Variants in ME1 observed in about 807,000 individuals in gnomAD.
ME1 encodes the protein NADP-dependent malic enzyme.
Under a neutral mutation model 66.4 loss-of-function variants are expected in ME1, and 74 were observed. The observed-to-expected ratio is 1.11, with a 90% CI of 0.92 to 1.35. ME1 has a LOEUF of 1.35. Ranked by LOEUF, ME1 falls within the 40% of genes most tolerant of loss-of-function variation. The pLI is 0.00. For missense variants in ME1, 750 were observed against 694.1 expected (o/e 1.08, Z -0.90); for synonymous variants, 251 against 235.6 (o/e 1.07, Z -0.60).
chr6:83,247,288 G>C (rs1790641667), intron 7 of ME1, among the ~76,000 whole-genome samples: 1 of 151,934 alleles, frequency 6.6e-6, no homozygotes, highest in Non-Finnish European at 1.5e-5. Flanking sequence ...GTCTGAATTT[G>C]CTGAATTCTG....
Position 83,408,215 on chromosome 6 carries a change from C to T in ME1, c.79-314G>A, listed in dbSNP as rs545185326. Reference sequence around the variant, plus strand: ...AAGATATAATCATTATTATCAATGTCAGTACATATAAAAATAAAAAGTCAT... The same window carrying T: ...AAGATATAATCATTATTATCAATGTTAGTACATATAAAAATAAAAAGTCAT... On this transcript the variant is annotated intron_variant, in intron 1 of 13. Coordinates refer to ENST00000369705, the MANE Select transcript of ME1 (RefSeq NM_002395.6). Among the ~76,000 whole-genome samples the T allele has an allele frequency of 7.9e-5, 12 of 152,170 alleles. No individual in the cohort carries two copies. The South Asian group carries it at 2.1e-3, about 26-fold the overall frequency.
chr6:83,282,347 T>A (rs1457154748), intron 6 of ME1, among the ~76,000 whole-genome samples: 3 of 151,986 alleles, frequency 2.0e-5, no homozygotes, highest in Admixed American at 6.6e-5. Flanking sequence ...TAGGAGAAAA[T>A]TTTTGCAATC....
At chr6:83,325,570 A>G (rs1271445356) in intron 5 of ME1, among the ~76,000 whole-genome samples, 1 of 152,184 alleles carries the variant, frequency 6.6e-6, no homozygotes, top group Non-Finnish European at 1.5e-5. Context: ...ATATACCAAT[A>G]ATAAGCAAAT....
chr6:83,393,653 A>C (rs1490497139), intron 3 of ME1, among the ~76,000 whole-genome samples: 1 of 152,070 alleles, frequency 6.6e-6, no homozygotes, highest in Non-Finnish European at 1.5e-5. Flanking sequence ...ATCGACTTCA[A>C]CTCAAATACT....
At position 83,223,876 on chromosome 6, in the gene ME1, G is replaced by A. The variant is rs1352317774; in HGVS notation, c.1333C>T (p.Gln445Ter). 3.1e-6 allele frequency: 5 copies of A among 1,614,074 alleles called. No homozygotes were observed. The African/African-American group carries it at 4.0e-5, about 13-fold the overall frequency. ...TTGCCTTGGCCAGGATATAGGGTCT[G>A]TCCATTTGGAAGAGTGACTGGATCA... is the stretch of plus-strand genomic sequence containing the variant. ...PFDPVTLPNGQTLYPGQGNNS... is the reference protein window; with the variant it reads ...PFDPVTLPNG The change falls in exon 12 of 14, where the codon CAG becomes TAG. Residue 445 changes from glutamine (Q) to a stop codon, truncating the protein, a stop_gained. Coordinates refer to ENST00000369705, the MANE Select transcript of ME1 (RefSeq NM_002395.6). LOFTEE classifies it high-confidence loss of function.
intron 6 of ME1, among the ~76,000 whole-genome samples, chr6:83,300,648 C>T (rs1583366532): frequency 1.9e-5 from 2 of 107,022 alleles, no homozygotes; most frequent in African/African-American, 3.8e-5. Context: ...TGGAGTTGTG[C>T]AGGATCTAGA....
At chr6:83,403,717 GT>G (rs1292730445) in intron 2 of ME1, among the ~76,000 whole-genome samples, 1 of 152,050 alleles carries the variant, frequency 6.6e-6, no homozygotes. Context: ...TGTTCTCATT[GT>G]TCAATTCCCA....
At chr6:83,313,574 T>C (rs1767969255) in intron 6 of ME1, among the ~76,000 whole-genome samples, 1 of 152,192 alleles carries the variant, frequency 6.6e-6, no homozygotes, top group Non-Finnish European at 1.5e-5. Context: ...AAAGTTGTCT[T>C]ATTTAGATAG....
At chr6:83,300,536 C>CA (rs1323549542) in intron 6 of ME1, among the ~76,000 whole-genome samples, 30 of 148,936 alleles carry the variant, frequency 2.0e-4, no homozygotes, top group Non-Finnish European at 4.5e-4. Flanking sequence ...AATCTACAAA[C>CA]AAAAAACAGC....
At chr6:83,411,098 G>T (rs570121493) in intron 1 of ME1, among the ~76,000 whole-genome samples, 2 of 152,204 alleles carry the variant, frequency 1.3e-5, no homozygotes, top group Non-Finnish European at 2.9e-5. Flanking sequence ...ACTCCTATGG[G>T]CCGGGCGTGG....
At chr6:83,274,537 A>C (rs375120773) in intron 6 of ME1, among the ~76,000 whole-genome samples, 7 of 152,176 alleles carry the variant, frequency 4.6e-5, no homozygotes, top group African/African-American at 1.7e-4. Context: ...CAGTTCTTCT[A>C]TTTAGTATCC....
chr6:83,306,324 A>C (rs1409481255), intron 6 of ME1, among the ~76,000 whole-genome samples: 1 of 152,018 alleles, frequency 6.6e-6, no homozygotes, highest in Non-Finnish European at 1.5e-5. Context: ...TGGTATACAG[A>C]TTATTTTGAA....
intron 12 of ME1, among the ~76,000 whole-genome samples, chr6:83,218,314 G>C (rs1282522043): frequency 6.6e-6 from 1 of 152,144 alleles, no homozygotes; most frequent in Non-Finnish European, 1.5e-5. Flanking sequence ...GGCCTACTGG[G>C]TAATGTAGTG....
intron 3 of ME1, among the ~76,000 whole-genome samples, chr6:83,390,874 A>C (rs13340476): frequency 2.9e-5 from 4 of 137,872 alleles, no homozygotes; most frequent in African/African-American, 1.0e-4. Context: ...CTCTCTCTAT[A>C]TATATACATA....
intron 3 of ME1, among the ~76,000 whole-genome samples, chr6:83,364,687 A>C (rs1202003778): frequency 6.6e-6 from 1 of 152,086 alleles, no homozygotes; most frequent in Non-Finnish European, 1.5e-5. Flanking sequence ...CTTCATGCAT[A>C]TGTATGTGAA....
At chr6:83,253,564 A>T (rs1458887604) in intron 7 of ME1, 65 bp downstream of exon 7, 3 of 824,550 alleles carry the variant, frequency 3.6e-6, no homozygotes, top group African/African-American at 3.4e-5. Context: ...AATTTGAATC[A>T]TTATTACAAT....
chr6:83,274,425 A>G (rs1767139024), intron 6 of ME1, among the ~76,000 whole-genome samples: 1 of 152,210 alleles, frequency 6.6e-6, no homozygotes, highest in African/African-American at 2.4e-5. Context: ...CTCTTTATGC[A>G]AACACATAAA....
intron 6 of ME1, among the ~76,000 whole-genome samples, chr6:83,294,668 G>A (rs560955275): frequency 1.8e-4 from 28 of 152,230 alleles, no homozygotes; most frequent in African/African-American, 6.5e-4. Context: ...CTCAGAATGG[G>A]TAAGGAGCAA....
chr6:83,407,733 G>A (rs760714607), intron 2 of ME1, 35 bp downstream of exon 2: 4 of 1,529,994 alleles, frequency 2.6e-6, no homozygotes, highest in African/African-American at 2.8e-5. Context: ...AACTGCATAA[G>A]AGAAATATAA....
Sources: allele counts gnomAD v4.1 joint callset (sites outside exome capture counted in the v4.1 genomes callset), GRCh38; gene constraint gnomAD v4.1.1; transcripts MANE v1.5; gene names NCBI Gene and HGNC (gene_info 2026-07-23, HGNC 2026-07-21).